Variants in SLC30A6 observed in about 807,000 individuals in gnomAD.
SLC30A6 encodes the protein solute carrier family 30 member 6.
Under a neutral mutation model 63.0 loss-of-function variants are expected in SLC30A6, and 55 were observed. That is an observed-to-expected ratio of 0.87 (90% confidence interval 0.70 to 1.09). The LOEUF (loss-of-function observed/expected upper bound fraction) is 1.09, where lower values mean the gene tolerates loss of function less well. SLC30A6 is among the 50% of genes least tolerant of loss of function. The probability of loss-of-function intolerance (pLI) is 0.00; values close to 1 mark genes in which losing one functional copy is unlikely to be tolerated. For synonymous variants in SLC30A6, 224 were observed against 186.1 expected (o/e 1.20, Z -1.66); for missense variants, 587 against 549.2 (o/e 1.07, Z -0.69).
At chr2:32,194,054 T>G (rs1259408676) in intron 8 of SLC30A6, 71 bp downstream of exon 8, 2 of 1,241,546 alleles carry the variant, frequency 1.6e-6, no homozygotes, top group African/African-American at 3.0e-5. Context: ...TTTGTTTGTT[T>G]CGTTCACTCA....
rs766664057 is a variant in SLC30A6 at position 32,165,906 on chromosome 2, G to A, written c.3+3G>A. On this transcript the variant is annotated splice_donor_region_variant and intron_variant, in intron 1 of 13. Transcript: ENST00000282587. ...GAGCTGTGCAGCTCCTTATCATGGTGAGTTGGCTGTTGGGGTGAGGGTTTC... is the reference window on the plus strand; with the variant it reads ...GAGCTGTGCAGCTCCTTATCATGGTAAGTTGGCTGTTGGGGTGAGGGTTTC... 2 of 1,614,086 alleles carry A rather than the reference G, an allele frequency of 1.2e-6. No individual in the cohort carries two copies. The highest frequency in any genetic ancestry group is 1.3e-5 in the African/African-American group (1 of 74,948).
At chr2:32,197,568 G>A in intron 9 of SLC30A6, 139 bp from the exon 10 acceptor site, 1 of 1,341,162 alleles carries the variant, frequency 7.5e-7, no homozygotes, top group Non-Finnish European at 1.0e-6. Flanking sequence ...TAAATGAAAG[G>A]GCTTTGTTCA....
intron 5 of SLC30A6, among the ~76,000 whole-genome samples, chr2:32,189,738 T>TG (rs1683163828): frequency 6.6e-6 from 1 of 150,428 alleles, no homozygotes; most frequent in African/African-American, 2.5e-5. Context: ...CCTCCTGAGT[T>TG]GCTAGGACTA....
chr2:32,181,975 C>T (rs1682364136), intron 4 of SLC30A6, among the ~76,000 whole-genome samples: 1 of 146,066 alleles, frequency 6.8e-6, no homozygotes, highest in African/African-American at 2.6e-5. Flanking sequence ...TACTCTGTCA[C>T]CCAGGCTGAG....
Position 32,204,695 on chromosome 2 carries a change from A to T in SLC30A6, c.768+3A>T. 6.3e-7 allele frequency: 1 copy of T among 1,586,266 alleles called. No individual in the cohort carries two copies. Among genetic ancestry groups the T allele is most frequent in the Non-Finnish European group, 8.6e-7 (1 of 1,160,414 alleles). ...ACAGTGGGAAAGTCTTACTCCAGGT[A>T]AGGTGCTTCTTCCAATGCACGTGCT... On this transcript the variant is annotated splice_donor_region_variant and intron_variant, in intron 11 of 13. Coordinates refer to ENST00000282587, the MANE Select transcript of SLC30A6 (RefSeq NM_017964.5).
intron 13 of SLC30A6, among the ~76,000 whole-genome samples, chr2:32,211,764 C>T (rs563263165): frequency 2.6e-5 from 4 of 151,926 alleles, no homozygotes; most frequent in Admixed American, 1.3e-4. Flanking sequence ...ATTACAGGCA[C>T]GCACCACCAC....
intron 1 of SLC30A6, among the ~76,000 whole-genome samples, chr2:32,168,063 CT>C (rs1442910487): frequency 1.3e-5 from 2 of 152,144 alleles, no homozygotes; most frequent in African/African-American, 4.8e-5. Context: ...ACACTGAAAA[CT>C]TATGGCACTA....
chr2:32,206,934 G>A lies in SLC30A6; in HGVS notation c.816+1G>A. On this transcript the variant is annotated splice_donor_variant, in intron 12 of 13. Transcript: ENST00000282587. LOFTEE classifies it high-confidence loss of function. ...TCAGTTGGACAAACTCATCAGAGAGGTAAGATGGAATAGTAAATAAAATCA... is the reference window on the plus strand; with the variant it reads ...TCAGTTGGACAAACTCATCAGAGAGATAAGATGGAATAGTAAATAAAATCA... 1 of 1,605,274 alleles carries A rather than the reference G, an allele frequency of 6.2e-7. No individual in the cohort carries two copies. The highest frequency in any genetic ancestry group is 8.5e-7 in the Non-Finnish European group (1 of 1,172,148).
At chr2:32,196,923 G>A (rs1429276862) in intron 8 of SLC30A6, among the ~76,000 whole-genome samples, 1 of 152,164 alleles carries the variant, frequency 6.6e-6, no homozygotes, top group East Asian at 1.9e-4. Flanking sequence ...AGCCAGGTGT[G>A]GTGGCACGTG....
At chr2:32,196,439 T>C (rs896415116) in intron 8 of SLC30A6, among the ~76,000 whole-genome samples, 5 of 152,210 alleles carry the variant, frequency 3.3e-5, no homozygotes, top group African/African-American at 1.2e-4. Context: ...TATTTAATTC[T>C]AGCCAGGTAG....
chr2:32,181,149 G>A (rs1573277818), intron 4 of SLC30A6, among the ~76,000 whole-genome samples: 2 of 152,144 alleles, frequency 1.3e-5, no homozygotes, highest in South Asian at 4.1e-4. Context: ...AAATTAAAAT[G>A]ATTTACACAT....
At chr2:32,179,434 C>G (rs1682086615) in intron 4 of SLC30A6, among the ~76,000 whole-genome samples, 1 of 152,096 alleles carries the variant, frequency 6.6e-6, no homozygotes, top group Non-Finnish European at 1.5e-5. Flanking sequence ...TCATAGAATT[C>G]TCAAACTTGA....
At chr2:32,207,739 C>G (rs1450478988) in intron 12 of SLC30A6, among the ~76,000 whole-genome samples, 1 of 121,280 alleles carries the variant, frequency 8.2e-6, no homozygotes, top group Non-Finnish European at 1.6e-5. Context: ...CTCGCTCTGT[C>G]GCCCAGGCTG....
At chr2:32,210,328 A>G (rs1035446224) in intron 13 of SLC30A6, among the ~76,000 whole-genome samples, 35 of 152,212 alleles carry the variant, frequency 2.3e-4, no homozygotes, top group Non-Finnish European at 3.7e-4. Flanking sequence ...CTTGGCTAAC[A>G]TGGTGAAACC....
intron 13 of SLC30A6, 121 bp downstream of exon 13, chr2:32,209,682 A>G: frequency 1.3e-6 from 1 of 791,116 alleles, no homozygotes; most frequent in Non-Finnish European, 2.0e-6. Context: ...TATGTTAAGC[A>G]GAGTCTAAAA....
At chr2:32,182,441 G>A (rs182520722) in intron 4 of SLC30A6, among the ~76,000 whole-genome samples, 1 of 152,310 alleles carries the variant, frequency 6.6e-6, no homozygotes, top group East Asian at 1.9e-4. Flanking sequence ...CTCTCAAGGA[G>A]TTAGCCAGGG....
In SLC30A6 at chr2:32,165,954, C is replaced by T. The variant is rs759614993; in HGVS notation, c.3+51C>T. 5 of 1,613,898 alleles carry T rather than the reference C, an allele frequency of 3.1e-6. No homozygotes were observed. The South Asian group carries it at 4.4e-5, about 14-fold the overall frequency. ...TTCGGCTGTAGCTGATTCGGTTTAT[C>T]TTATTTGGTCCCGAAGCGACCTTGA... On this transcript the variant is annotated intron_variant, in intron 1 of 13. Coordinates refer to ENST00000282587, the MANE Select transcript of SLC30A6 (RefSeq NM_017964.5).
At chr2:32,185,889 T>A (rs1467691292) in intron 5 of SLC30A6, among the ~76,000 whole-genome samples, 3 of 147,770 alleles carry the variant, frequency 2.0e-5, no homozygotes, top group Non-Finnish European at 4.5e-5. Context: ...CTGGCTCAGT[T>A]TTTTTTTTTT....
At chr2:32,211,845 C>T (rs1685283343) in intron 13 of SLC30A6, among the ~76,000 whole-genome samples, 1 of 152,140 alleles carries the variant, frequency 6.6e-6, no homozygotes, top group Non-Finnish European at 1.5e-5. Context: ...GTCTCAGACT[C>T]CTGACCTCAA....
Sources: allele counts gnomAD v4.1 joint callset (sites outside exome capture counted in the v4.1 genomes callset), GRCh38; gene constraint gnomAD v4.1.1; transcripts MANE v1.5; gene names NCBI Gene and HGNC (gene_info 2026-07-23, HGNC 2026-07-21).